The following LRP1B variants were observed in gnomAD, a reference collection of about 807,000 sequenced individuals.
LRP1B encodes the protein LDL receptor related protein 1B, also known as low-density lipoprotein receptor-related protein 1B.
LRP1B carries 217 observed loss-of-function variants against 556.6 expected under a neutral mutation model. That is an observed-to-expected ratio of 0.39 (90% CI 0.35 to 0.44). The LOEUF (loss-of-function observed/expected upper bound fraction) is 0.44. LRP1B is among the 20% of genes least tolerant of loss of function. The probability of loss-of-function intolerance (pLI) is 1.00; values close to 1 mark genes in which losing one functional copy is unlikely to be tolerated. For missense variants in LRP1B, 5,053 were observed against 5,620.8 expected (o/e 0.90, Z 3.23); for synonymous variants, 2,047 against 1,865.8 (o/e 1.10, Z -2.50).
chr2:141,010,953 T>G (rs1274735689), intron 14 of LRP1B, among the ~76,000 whole-genome samples: 1 of 45,532 alleles, frequency 2.2e-5, no homozygotes, highest in African/African-American at 1.3e-4. Context: ...TGTCAGATGG[T>G]GTGTGTGTGT....
intron 13 of LRP1B, among the ~76,000 whole-genome samples, chr2:141,014,084 T>C (rs1697832178): frequency 6.6e-6 from 1 of 152,096 alleles, no homozygotes; most frequent in African/African-American, 2.4e-5. Flanking sequence ...CCTGTTCCTT[T>C]TGCTTATGAT....
intron 3 of LRP1B, among the ~76,000 whole-genome samples, chr2:141,322,592 C>T (rs1687280786): frequency 6.6e-6 from 1 of 152,002 alleles, no homozygotes; most frequent in Non-Finnish European, 1.5e-5. Context: ...AAGAATCTCT[C>T]TCTTTGCTGT....
intron 53 of LRP1B, among the ~76,000 whole-genome samples, chr2:140,503,808 T>TC (rs1349256662): frequency 6.6e-6 from 1 of 152,130 alleles, no homozygotes; most frequent in African/African-American, 2.4e-5. Flanking sequence ...AGTAGAACTT[T>TC]CTGATAAATA....
At chr2:141,296,628 A>G (rs1335866352) in intron 3 of LRP1B, among the ~76,000 whole-genome samples, 1 of 152,240 alleles carries the variant, frequency 6.6e-6, no homozygotes, top group Admixed American at 6.5e-5. Flanking sequence ...TAGATGCTCA[A>G]CACATGGTTA....
At chr2:141,084,666 T>G (rs1700004600) in intron 7 of LRP1B, among the ~76,000 whole-genome samples, 1 of 139,808 alleles carries the variant, frequency 7.2e-6, no homozygotes, top group Non-Finnish European at 1.6e-5. Flanking sequence ...TTTTTTTTTT[T>G]TCAGACGGAG....
chr2:141,593,925 C>G (rs1026438534), intron 2 of LRP1B, among the ~76,000 whole-genome samples: 1 of 152,096 alleles, frequency 6.6e-6, no homozygotes, highest in African/African-American at 2.4e-5. Context: ...CTAAAAGTTA[C>G]GTCCTTGGAC....
chr2:141,297,731 CA>C (rs891390082), intron 3 of LRP1B, among the ~76,000 whole-genome samples: 1 of 152,104 alleles, frequency 6.6e-6, no homozygotes, highest in African/African-American at 2.4e-5. Flanking sequence ...ATGTTTCTGT[CA>C]ATGAAGGACC....
At chr2:142,129,456 T>G (rs1182021693) in intron 1 of LRP1B, among the ~76,000 whole-genome samples, 1 of 152,212 alleles carries the variant, frequency 6.6e-6, no homozygotes, top group Non-Finnish European at 1.5e-5. Context: ...ATTCCCCTGT[T>G]CTTTCCTATA....
chr2:140,520,857 G>A (rs1204606718), intron 49 of LRP1B, among the ~76,000 whole-genome samples: 4 of 115,366 alleles, frequency 3.5e-5, no homozygotes, highest in Admixed American at 8.6e-5. Context: ...GATTAAGAAA[G>A]AACTAAACAG....
chr2:140,914,525 G>T (rs956663235), intron 21 of LRP1B, among the ~76,000 whole-genome samples: 1 of 152,128 alleles, frequency 6.6e-6, no homozygotes, highest in African/African-American at 2.4e-5. Context: ...GTAAATGTCA[G>T]TGGCGGAAAT....
chr2:140,471,933 G>A (rs553255956), intron 60 of LRP1B, among the ~76,000 whole-genome samples: 2 of 152,280 alleles, frequency 1.3e-5, no homozygotes, highest in African/African-American at 4.8e-5. Context: ...TGCACATGCT[G>A]TTCCCTCTGT....
Position 140,378,283 on chromosome 2 carries a change from G to A in LRP1B, c.10535C>T (p.Pro3512Leu), listed in dbSNP as rs758709793. Residue 3512 changes from proline to leucine, a missense_variant, in exon 68 of 91, where the codon CCA (proline) becomes CTA (leucine). Pro to Leu is a moderately conservative substitution (Grantham distance 98). Transcript: ENST00000389484. ...SDNSDEENCK[P>L]QTCTLKDFLC... The stretch of plus-strand genomic sequence containing the variant: ...GAAATCTTTCAATGTACATGTCTGT[G>A]GCTCTGGGGATAAAAAAACAGCACA... 3 of 1,583,952 alleles carry A rather than the reference G, an allele frequency of 1.9e-6. No individual in the cohort carries two copies. In the South Asian group the frequency reaches 3.3e-5, roughly 18 times the overall value.
chr2:140,679,529 G>A (rs114972734), intron 41 of LRP1B, among the ~76,000 whole-genome samples: 2,101 of 152,204 alleles, frequency 0.014, 41 homozygotes, highest in Admixed American at 0.046. Flanking sequence ...CCAGTACGTA[G>A]CGAATGAAGT....
chr2:141,481,961 G>A (rs1250882933), intron 2 of LRP1B, among the ~76,000 whole-genome samples: 2 of 152,038 alleles, frequency 1.3e-5, no homozygotes, highest in Admixed American at 6.6e-5. Context: ...TGTCTTTTCT[G>A]TTGTAAACCC....
chr2:141,501,569 A>T (rs1683711763), intron 2 of LRP1B, among the ~76,000 whole-genome samples: 1 of 152,132 alleles, frequency 6.6e-6, no homozygotes, highest in Non-Finnish European at 1.5e-5. Context: ...GGAAGTTACA[A>T]CATTTTGTTA....
At chr2:141,496,611 T>C (rs1171393838) in intron 2 of LRP1B, among the ~76,000 whole-genome samples, 1 of 152,082 alleles carries the variant, frequency 6.6e-6, no homozygotes, top group Non-Finnish European at 1.5e-5. Context: ...TTTTTATGAA[T>C]ATTAATATAT....
chr2:141,705,197 C>A (rs1692092961), intron 2 of LRP1B, among the ~76,000 whole-genome samples: 2 of 151,980 alleles, frequency 1.3e-5, no homozygotes, highest in South Asian at 4.1e-4. Flanking sequence ...TATTTATACA[C>A]TTTAACTGCC....
chr2:142,034,134 T>C (rs1437208992), intron 1 of LRP1B, among the ~76,000 whole-genome samples: 1 of 151,726 alleles, frequency 6.6e-6, no homozygotes, highest in East Asian at 1.9e-4. Flanking sequence ...CCACTCTACC[T>C]GTAATATTTT....
chr2:140,910,997 A>G (rs992811386), intron 21 of LRP1B, among the ~76,000 whole-genome samples: 1 of 151,902 alleles, frequency 6.6e-6, no homozygotes, highest in African/African-American at 2.4e-5. Flanking sequence ...TGTATATATT[A>G]GGGAAAGGAA....
Sources: gnomAD v4.1 joint callset for allele counts (sites outside exome capture counted in the v4.1 genomes callset) on GRCh38, gnomAD v4.1.1 for gene constraint, MANE v1.5 for transcripts, NCBI Gene and HGNC (gene_info 2026-07-23, HGNC 2026-07-21) for gene names.